PCDHA1: variants seen among roughly 807,000 people sequenced by gnomAD.
PCDHA1 encodes the protein protocadherin alpha 1.
In PCDHA1, 42 loss-of-function variants were observed where a neutral mutation model predicts 61.3. The observed-to-expected ratio is 0.69, with a 90% CI of 0.54 to 0.89. The LOEUF (loss-of-function observed/expected upper bound fraction) is 0.89. PCDHA1 is among the 40% of genes least tolerant of loss of function. PCDHA1 has a pLI of 0.00. For missense variants in PCDHA1, 1,256 were observed against 1,235.3 expected, an observed-to-expected ratio of 1.02 and a Z score of -0.25; for synonymous variants, 610 against 553.8, an observed-to-expected ratio of 1.10 and a Z score of -1.43.
chr5:140,818,407 T>C (rs1766349391), intron 1 of PCDHA1, among the ~76,000 whole-genome samples: 1 of 152,252 alleles, frequency 6.6e-6, no homozygotes, highest in African/African-American at 2.4e-5. Context: ...AATTTTATTT[T>C]CCTTTTTAAA....
intron 2 of PCDHA1, among the ~76,000 whole-genome samples, chr5:140,981,116 A>G (rs533489885): frequency 6.6e-6 from 1 of 152,344 alleles, no homozygotes; most frequent in African/African-American, 2.4e-5. Flanking sequence ...TCTACTGGAT[A>G]TGTTGTTTGA....
chr5:140,858,354 C>A lies in PCDHA1; in HGVS notation c.2394+69670C>A, dbSNP rs782580844. On this transcript the variant is annotated intron_variant, in intron 1 of 3. Coordinates refer to ENST00000504120, the MANE Select transcript of PCDHA1 (RefSeq NM_018900.4). ...GGCCTGCCCAAGGCGGACCTCATGG[C>A]CTTCAGCCCCAGCCTTCCACCATGC... is the stretch of plus-strand genomic sequence containing the variant. 66 of 1,593,208 alleles carry A rather than the reference C, an allele frequency of 4.1e-5. 1 individual carries two copies. In the East Asian group the frequency reaches 1.4e-3, roughly 34 times the overall value.
In PCDHA1 at chr5:140,857,497, G is replaced by A. The variant is rs1473016176; in HGVS notation, c.2394+68813G>A. On this transcript the variant is annotated intron_variant, in intron 1 of 3. Coordinates refer to ENST00000504120, the MANE Select transcript of PCDHA1 (RefSeq NM_018900.4). ...CGGTGTCTGCGTGGGACGCGGACGCGCAGGAGAACGCCCTGGTGTCCTACT... is the reference window on the plus strand; with the variant it reads ...CGGTGTCTGCGTGGGACGCGGACGCACAGGAGAACGCCCTGGTGTCCTACT... 10 of 1,598,262 alleles carry A rather than the reference G, an allele frequency of 6.3e-6. 1 individual carries two copies. Among genetic ancestry groups the A allele is most frequent in the Non-Finnish European group, 8.6e-6 (10 of 1,167,792 alleles).
In PCDHA1 at chr5:140,795,876, T is replaced by A. The variant is rs73791786; in HGVS notation, c.2394+7192T>A. On this transcript the variant is annotated intron_variant, in intron 1 of 3. Transcript: ENST00000504120. ...ATCCCATCTCAGGGGAAATCAGAAC[T>A]AAGGGAAAATTAGATTATGAAGAAG... is the stretch of plus-strand genomic sequence containing the variant. 1.1e-3 allele frequency: 1,855 copies of A among 1,613,902 alleles called. 16 individuals carry two copies. In the African/African-American group the frequency reaches 0.023, roughly 20 times the overall value.
At position 141,011,014 on chromosome 5, in the gene PCDHA1, C is replaced by T. The variant is rs2098419102; in HGVS notation, c.*1077C>T. On this transcript the variant is annotated 3_prime_UTR_variant, in exon 4 of 4. Coordinates refer to ENST00000504120, the MANE Select transcript of PCDHA1 (RefSeq NM_018900.4). ...CATCTGTATTATATCGGCCACCTGC[C>T]AATCACAGCTTTACTCTTTCAGGTC... 6.5e-6 allele frequency: 1 copy of T among 153,758 alleles called. No individual in the cohort carries two copies. Among genetic ancestry groups the T allele is most frequent in the Admixed American group, 6.5e-5 (1 of 15,286 alleles). 9.5% of individuals were successfully genotyped at this position (153,758 alleles called of 1,614,324 possible).
rs1444138021 is a variant in PCDHA1 at position 140,855,293 on chromosome 5, C to T, written c.2394+66609C>T. ...CTCAACCACCGTATTACTATTAGGC[C>T]AAAGTTATAAAATTGGAACATGAGG... On this transcript the variant is annotated intron_variant, in intron 1 of 3. Transcript: ENST00000504120. 2.7e-5 allele frequency among the ~76,000 whole-genome samples: 4 copies of T among 149,558 alleles called. 1 individual carries two copies. The highest frequency in any genetic ancestry group is 4.3e-4 in the South Asian group (2 of 4,702).
At chr5:140,859,726 A>G (rs929910976) in intron 1 of PCDHA1, 1 of 154,384 alleles carries the variant, frequency 6.5e-6, no homozygotes, top group Admixed American at 6.4e-5. Context: ...AAATTGTGGC[A>G]AGAATTTAAG....
At chr5:140,858,403 A>T (rs1554151554) in intron 1 of PCDHA1, 1 of 1,569,204 alleles carries the variant, frequency 6.4e-7, no homozygotes. Context: ...TGGACGGGGA[A>T]GATCAGTCTA....
In PCDHA1 at chr5:140,894,992, T is replaced by C. The variant is rs78280553; in HGVS notation, c.2395-83957T>C. Among the ~76,000 whole-genome samples, 440 of 152,300 alleles carry C rather than the reference T, an allele frequency of 2.9e-3. 1 individual carries two copies. The highest frequency in any genetic ancestry group is 0.01 in the African/African-American group (421 of 41,556). On this transcript the variant is annotated intron_variant, in intron 1 of 3. Transcript: ENST00000504120. ...TAATGTCTTACTTTGTGACATCCTT[T>C]ACCCTTTTTACTTGGACCTTTTTCC...
intron 1 of PCDHA1, chr5:140,828,566 G>A (rs148766603): frequency 2.5e-6 from 4 of 1,614,098 alleles, no homozygotes; most frequent in African/African-American, 1.3e-5. Flanking sequence ...GGGCGCGTCC[G>A]ATGCAGATGT....
At chr5:140,934,952 C>T (rs1007494400) in intron 1 of PCDHA1, among the ~76,000 whole-genome samples, 22 of 152,218 alleles carry the variant, frequency 1.4e-4, no homozygotes, top group African/African-American at 5.1e-4. Flanking sequence ...AGAGAGATCC[C>T]ATGTGCTTGT....
At chr5:140,829,826 G>A (rs2150175496) in intron 1 of PCDHA1, 2 of 1,613,796 alleles carry the variant, frequency 1.2e-6, no homozygotes, top group South Asian at 1.1e-5. Context: ...TGCAGTGAGC[G>A]AGCTGGTGCC....
chr5:140,796,937 C>G (rs782753362), intron 1 of PCDHA1: 1 of 1,613,834 alleles, frequency 6.2e-7, no homozygotes, highest in Non-Finnish European at 8.5e-7. Flanking sequence ...GGCGAACCAG[C>G]GTTGACAGCC....
intron 1 of PCDHA1, chr5:140,929,303 A>G (rs782378312): frequency 1.1e-5 from 17 of 1,586,722 alleles, no homozygotes; most frequent in Non-Finnish European, 1.1e-5. Context: ...AGGAAAGGGG[A>G]TCACGCTAAT....
chr5:140,821,784 T>C, intron 1 of PCDHA1: 1 of 1,611,044 alleles, frequency 6.2e-7, no homozygotes, highest in Non-Finnish European at 8.5e-7. Flanking sequence ...AGATGGTATA[T>C]TCCCGGAGAG....
At position 140,929,044 on chromosome 5, in the gene PCDHA1, T is replaced by C. The variant is rs17844369; in HGVS notation, c.2395-49905T>C. ...GAGCCCAGGCTGTTGCGCTCAGAGC[T>C]GCTGTCGCTCTACAGAGGATCTGAG... On this transcript the variant is annotated intron_variant, in intron 1 of 3. Coordinates refer to ENST00000504120, the MANE Select transcript of PCDHA1 (RefSeq NM_018900.4). 7 of 1,614,100 alleles carry C rather than the reference T, an allele frequency of 4.3e-6. No individual in the cohort carries two copies. The East Asian group carries it at 1.6e-4, about 36-fold the overall frequency.
At chr5:140,802,113 G>A in intron 1 of PCDHA1, 1 of 1,614,186 alleles carries the variant, frequency 6.2e-7, no homozygotes, top group Non-Finnish European at 8.5e-7. Context: ...CAGTGTAAAG[G>A]GTAACATAGA....
rs3733710 is a variant in PCDHA1 at position 140,787,878 on chromosome 5, C to T, written c.1588C>T (p.Leu530=). 849,334 of 1,613,074 alleles carry T rather than the reference C, an allele frequency of 0.53. 224,215 individuals are homozygous for T. Among genetic ancestry groups the T allele is most frequent in the Middle Eastern group, 0.58 (3,284 of 5,674 alleles). ...GCCCCTGGACCACGAGGAGCTGGAG[C>T]TGCTGCAGTTCCAGGTGAGCGCGCG... ...LQPLDHEELE[L]LQFQVSARDA... Residue 530 remains leucine (L), a synonymous_variant, in exon 1 of 4, where the codon CTG becomes TTG. Transcript: ENST00000504120.
intron 1 of PCDHA1, chr5:140,805,447 GTGTT>G: frequency 9.6e-7 from 1 of 1,037,082 alleles, no homozygotes; most frequent in Non-Finnish European, 1.2e-6. Context: ...TTGTGTGTGT[GTGTT>G]TGTGTGAGTG....
Sources: allele counts gnomAD v4.1 joint callset (sites outside exome capture counted in the v4.1 genomes callset), GRCh38; gene constraint gnomAD v4.1.1; transcripts MANE v1.5; gene names NCBI Gene and HGNC (gene_info 2026-07-23, HGNC 2026-07-21).